RAB7A: variants seen among roughly 807,000 people sequenced by gnomAD.
RAB7A encodes ras-related protein Rab-7a.
A neutral mutation model predicts 24.5 loss-of-function variants in RAB7A; 2 were observed. The observed-to-expected ratio is 0.08, with a 90% confidence interval of 0.03 to 0.26. The LOEUF is 0.26. RAB7A is among the 10% of genes least tolerant of loss of function. The pLI is 1.00. For synonymous variants in RAB7A, 100 were observed against 95.9 expected (o/e 1.04, Z -0.25); for missense variants, 118 against 255.7 (o/e 0.46, Z 3.67).
intron 1 of RAB7A, among the ~76,000 whole-genome samples, chr3:128,774,223 A>G (rs1256280168): frequency 1.3e-5 from 2 of 150,832 alleles, no homozygotes; most frequent in African/African-American, 4.8e-5. Flanking sequence ...AAGCCTGCAG[A>G]AACTTACGCT....
chr3:128,761,341 T>C (rs1295630616), intron 1 of RAB7A, among the ~76,000 whole-genome samples: 1 of 152,222 alleles, frequency 6.6e-6, no homozygotes, highest in African/African-American at 2.4e-5. Flanking sequence ...ACTTAAAATA[T>C]GGCAAACCAT....
intron 1 of RAB7A, among the ~76,000 whole-genome samples, chr3:128,757,524 AT>A (rs574862753): frequency 0.067 from 9,721 of 145,380 alleles, 581 homozygotes; most frequent in African/African-American, 0.17. Flanking sequence ...TTTAAAAACA[AT>A]TTTTTTTTTT....
At chr3:128,779,900 A>T (rs1236030219) in intron 1 of RAB7A, among the ~76,000 whole-genome samples, 1 of 152,140 alleles carries the variant, frequency 6.6e-6, no homozygotes, top group Non-Finnish European at 1.5e-5. Context: ...TCATGAGGAG[A>T]TAGGAGAGAA....
At chr3:128,766,835 T>G (rs2070836285) in intron 1 of RAB7A, among the ~76,000 whole-genome samples, 1 of 152,150 alleles carries the variant, frequency 6.6e-6, no homozygotes. Flanking sequence ...CCATCGTGCC[T>G]GGCCTGGGTC....
chr3:128,732,841 T>C (rs1314217260), intron 1 of RAB7A, among the ~76,000 whole-genome samples: 1 of 148,466 alleles, frequency 6.7e-6, no homozygotes, highest in Non-Finnish European at 1.5e-5. Flanking sequence ...AAAAAGAAAT[T>C]GAACTCTCCC....
intron 1 of RAB7A, among the ~76,000 whole-genome samples, chr3:128,788,017 A>G (rs1933376166): frequency 6.6e-6 from 1 of 152,216 alleles, no homozygotes. Context: ...CCCTGCCATA[A>G]GTTTTAAATT....
chr3:128,802,497 T>TTATGTATG, intron 3 of RAB7A, among the ~76,000 whole-genome samples: 1 of 152,284 alleles, frequency 6.6e-6, no homozygotes, highest in Middle Eastern at 3.4e-3. Flanking sequence ...TTTATTTTAT[T>TTATGTATG]TATGTATGTA....
chr3:128,780,984 T>C (rs1933204993), intron 1 of RAB7A, among the ~76,000 whole-genome samples: 1 of 152,248 alleles, frequency 6.6e-6, no homozygotes, highest in South Asian at 2.1e-4. Flanking sequence ...CTTCCTCAAA[T>C]GACAAGGGTC....
chr3:128,794,653 G>A (rs888861689), intron 1 of RAB7A, among the ~76,000 whole-genome samples: 8 of 152,150 alleles, frequency 5.3e-5, no homozygotes, highest in Non-Finnish European at 1.0e-4. Flanking sequence ...CCATGCTGTG[G>A]CAAGTCCTGG....
intron 1 of RAB7A, among the ~76,000 whole-genome samples, chr3:128,777,825 G>A (rs973917519): frequency 5.3e-5 from 8 of 152,126 alleles, no homozygotes; most frequent in Non-Finnish European, 1.0e-4. Context: ...GGGTTCAAGC[G>A]ATTCTCCCAC....
chr3:128,757,161 C>G (rs1436480747), intron 1 of RAB7A, among the ~76,000 whole-genome samples: 1 of 152,050 alleles, frequency 6.6e-6, no homozygotes, highest in African/African-American at 2.4e-5. Flanking sequence ...CACTCTTGTA[C>G]ATACATCACC....
chr3:128,733,936 A>G (rs1375796554), intron 1 of RAB7A, among the ~76,000 whole-genome samples: 1 of 152,182 alleles, frequency 6.6e-6, no homozygotes, highest in Non-Finnish European at 1.5e-5. Context: ...AATATTCCAC[A>G]TCCTTGCTAG....
At chr3:128,783,616 G>A (rs1435593260) in intron 1 of RAB7A, among the ~76,000 whole-genome samples, 1 of 152,144 alleles carries the variant, frequency 6.6e-6, no homozygotes, top group Non-Finnish European at 1.5e-5. Flanking sequence ...TAGCCTTGGT[G>A]GATCTATGCC....
At chr3:128,805,144 T>A (rs1250889819) in intron 3 of RAB7A, among the ~76,000 whole-genome samples, 3 of 151,926 alleles carry the variant, frequency 2.0e-5, no homozygotes, top group Non-Finnish European at 2.9e-5. Context: ...TTTGTTTGTT[T>A]GAGAATGGGG....
chr3:128,794,380 A>C (rs542918108), intron 1 of RAB7A, among the ~76,000 whole-genome samples: 1 of 152,346 alleles, frequency 6.6e-6, no homozygotes, highest in South Asian at 2.1e-4. Flanking sequence ...AGAGAAATTA[A>C]ATGACTGGCT....
chr3:128,804,241 T>C (rs1392725286), intron 3 of RAB7A, among the ~76,000 whole-genome samples: 1 of 152,146 alleles, frequency 6.6e-6, no homozygotes, highest in African/African-American at 2.4e-5. Context: ...ACGCAATTTC[T>C]GAAGAAGCAT....
chr3:128,789,578 C>G (rs1374081209), intron 1 of RAB7A, among the ~76,000 whole-genome samples: 2 of 152,076 alleles, frequency 1.3e-5, no homozygotes, highest in African/African-American at 4.8e-5. Flanking sequence ...AGTGATCTGC[C>G]CGCCTCAGCC....
At chr3:128,804,469 G>T (rs1446685815) in intron 3 of RAB7A, among the ~76,000 whole-genome samples, 1 of 152,118 alleles carries the variant, frequency 6.6e-6, no homozygotes, top group Non-Finnish European at 1.5e-5. Context: ...TTCTATCATG[G>T]AAGATTCCAA....
At chr3:128,804,434 A>G (rs902590430) in intron 3 of RAB7A, among the ~76,000 whole-genome samples, 1 of 152,174 alleles carries the variant, frequency 6.6e-6, no homozygotes, top group Non-Finnish European at 1.5e-5. Context: ...TCTCTTTGCT[A>G]TTGTGTCTGG....
Sources: gnomAD v4.1 joint callset for allele counts (sites outside exome capture counted in the v4.1 genomes callset) on GRCh38, gnomAD v4.1.1 for gene constraint, MANE v1.5 for transcripts, NCBI Gene and HGNC (gene_info 2026-07-23, HGNC 2026-07-21) for gene names.